The following RANBP2 variants were observed in gnomAD, a reference collection of about 807,000 sequenced individuals.
RANBP2 encodes E3 SUMO-protein ligase RanBP2.
A neutral mutation model predicts 303.6 loss-of-function variants in RANBP2; 57 were observed. The observed-to-expected ratio is 0.19, with a 90% CI of 0.15 to 0.23. The LOEUF (loss-of-function observed/expected upper bound fraction) is 0.23, where lower values mean the gene tolerates loss of function less well. Ranked by LOEUF, RANBP2 falls within the 10% of genes least tolerant of loss-of-function variation. The pLI, the probability that RANBP2 is intolerant of heterozygous loss-of-function variation, is 1.00. For missense variants in RANBP2, 3,138 were observed against 3,780.8 expected, an observed-to-expected ratio of 0.83 and a Z score of 4.46; for synonymous variants, 1,167 against 1,301.5, an observed-to-expected ratio of 0.90 and a Z score of 2.23.
the RANBP2 span, among the ~76,000 whole-genome samples, chr2:108,827,617 C>T: frequency 6.6e-6 from 1 of 152,042 alleles, no homozygotes. Flanking sequence ...GAGACGGAGA[C>T]TATCCTGGCT....
At chr2:109,265,553 G>C in the RANBP2 span, among the ~76,000 whole-genome samples, 2 of 152,202 alleles carry the variant, frequency 1.3e-5, no homozygotes, top group African/African-American at 2.4e-5. Flanking sequence ...TGCAAGCCCA[G>C]GTCTCCTTCA....
rs1677250554 is a variant in RANBP2, at chr2:108,768,271, G to C, written c.7732G>C (p.Glu2578Gln). Reference sequence around the variant, plus strand: ...AAGCAAAGTGGAACCTAAAAAATGTGAACTGTCAAAGAACTCTGATATCGA... The same window carrying C: ...AAGCAAAGTGGAACCTAAAAAATGTCAACTGTCAAAGAACTCTGATATCGA... ...SESKVEPKKCELSKNSDIEQS... is the reference protein window; with the variant it reads ...SESKVEPKKCQLSKNSDIEQS... The change falls in exon 20 of 29, where the codon GAA becomes CAA. Residue 2578 changes from glutamate (E) to glutamine (Q), a missense_variant. Transcript: ENST00000283195. The C allele has an allele frequency of 6.2e-7, 1 of 1,611,868 alleles. No individual in the cohort carries two copies. Among genetic ancestry groups the C allele is most frequent in the African/African-American group, 1.3e-5 (1 of 74,848 alleles).
the RANBP2 span, among the ~76,000 whole-genome samples, chr2:109,120,849 G>A: frequency 1.3e-5 from 2 of 152,100 alleles, no homozygotes; most frequent in Non-Finnish European, 2.9e-5. Flanking sequence ...AAACACTCAA[G>A]TACTTCTTCC....
the RANBP2 span, among the ~76,000 whole-genome samples, chr2:109,644,141 A>AAAAAAAC: frequency 1.4e-4 from 1 of 7,278 alleles, no homozygotes; most frequent in Non-Finnish European, 5.3e-4. Flanking sequence ...ACAAAAAAAC[A>AAAAAAAC]AAAAAAAACT....
chr2:109,115,180 A>C, the RANBP2 span, among the ~76,000 whole-genome samples: 1 of 152,062 alleles, frequency 6.6e-6, no homozygotes, highest in Admixed American at 6.6e-5. Context: ...ATTCCCGGGT[A>C]TCCTTGTTAA....
At chr2:109,228,108 G>A in the RANBP2 span, among the ~76,000 whole-genome samples, 1 of 152,142 alleles carries the variant, frequency 6.6e-6, no homozygotes, top group Non-Finnish European at 1.5e-5. Context: ...ACACATACAG[G>A]CAATCTCTAA....
At chr2:109,492,263 C>G in the RANBP2 span, among the ~76,000 whole-genome samples, 1 of 152,230 alleles carries the variant, frequency 6.6e-6, no homozygotes, top group Non-Finnish European at 1.5e-5. Context: ...ATTCACAGCT[C>G]TAAGACTACA....
At chr2:109,254,903 A>G in the RANBP2 span, among the ~76,000 whole-genome samples, 1 of 152,174 alleles carries the variant, frequency 6.6e-6, no homozygotes, top group Non-Finnish European at 1.5e-5. Flanking sequence ...AGTACGCTCC[A>G]TGTGACCCAC....
At chr2:109,579,753 T>C in the RANBP2 span, among the ~76,000 whole-genome samples, 2 of 152,248 alleles carry the variant, frequency 1.3e-5, no homozygotes, top group Admixed American at 6.5e-5. Flanking sequence ...TATGCAAATT[T>C]TTCCAGAAAA....
At chr2:109,361,622 C>A in the RANBP2 span, among the ~76,000 whole-genome samples, 1 of 152,082 alleles carries the variant, frequency 6.6e-6, no homozygotes, top group South Asian at 2.1e-4. Flanking sequence ...TACAGGCATA[C>A]GCCACCATGC....
the RANBP2 span, among the ~76,000 whole-genome samples, chr2:109,641,994 C>T: frequency 0.023 from 3,434 of 152,152 alleles, 72 homozygotes; most frequent in Middle Eastern, 0.048. Context: ...TTAGTAGAGA[C>T]GGGGTTTCAT....
chr2:108,874,052 A>G, the RANBP2 span, among the ~76,000 whole-genome samples: 1 of 152,216 alleles, frequency 6.6e-6, no homozygotes, highest in East Asian at 1.9e-4. Context: ...CTCATTTCAG[A>G]TAAATGAACT....
the RANBP2 span, among the ~76,000 whole-genome samples, chr2:109,498,138 T>TCCGCCTGCCCTCCTTCCTTC: frequency 6.6e-6 from 1 of 152,156 alleles, no homozygotes; most frequent in Admixed American, 6.5e-5. Context: ...AGGAGGTGCC[T>TCCGCCTGCCCTCCTTCCTTC]CCGCCTGCCC....
chr2:109,229,146 C>G, the RANBP2 span, among the ~76,000 whole-genome samples: 145 of 152,260 alleles, frequency 9.5e-4, 1 homozygote, highest in Admixed American at 2.4e-3. Flanking sequence ...AGAAAATTAC[C>G]AGGGATTTAG....
chr2:109,442,852 A>G, the RANBP2 span, among the ~76,000 whole-genome samples: 2,447 of 152,382 alleles, frequency 0.016, 58 homozygotes, highest in African/African-American at 0.054. Flanking sequence ...AAACCTAATC[A>G]TGTAAGTAAT....
At chr2:109,085,257 G>A in the RANBP2 span, among the ~76,000 whole-genome samples, 1 of 152,180 alleles carries the variant, frequency 6.6e-6, no homozygotes, top group Non-Finnish European at 1.5e-5. Context: ...AGTTAATCCA[G>A]TTTTTGTATT....
chr2:109,030,969 G>A, the RANBP2 span, among the ~76,000 whole-genome samples: 1 of 152,112 alleles, frequency 6.6e-6, no homozygotes, highest in African/African-American at 2.4e-5. Flanking sequence ...CTAGTACACA[G>A]ACTAACACAG....
chr2:108,724,265 C>A (rs1037372208), intron 1 of RANBP2, among the ~76,000 whole-genome samples: 2 of 152,088 alleles, frequency 1.3e-5, no homozygotes, highest in Non-Finnish European at 2.9e-5. Context: ...CGGGTTCAAG[C>A]GATTCTCCTG....
the RANBP2 span, among the ~76,000 whole-genome samples, chr2:109,249,583 C>CTTT: frequency 1.2e-5 from 1 of 84,402 alleles, no homozygotes; most frequent in Non-Finnish European, 2.3e-5. Context: ...TTCCTTCCTT[C>CTTT]CTTTCCTTTC....
Sources: gnomAD v4.1 joint callset for allele counts (sites outside exome capture counted in the v4.1 genomes callset) on GRCh38, gnomAD v4.1.1 for gene constraint, MANE v1.5 for transcripts, NCBI Gene and HGNC (gene_info 2026-07-23, HGNC 2026-07-21) for gene names.